PCDH9: variants seen among roughly 807,000 people sequenced by gnomAD.
PCDH9 encodes the protein protocadherin-9.
PCDH9 carries 24 observed loss-of-function variants against 70.6 expected under a neutral mutation model. The observed-to-expected ratio is 0.34, with a 90% CI of 0.25 to 0.48. The LOEUF (loss-of-function observed/expected upper bound fraction) is 0.48. Among genes scored for constraint, PCDH9 ranks in the 20% least tolerant of loss-of-function variants. PCDH9 has a pLI of 0.99. For synonymous variants in PCDH9, 562 were observed against 558.5 expected, an observed-to-expected ratio of 1.01 and a Z score of -0.09; for missense variants, 1,281 against 1,503.6, an observed-to-expected ratio of 0.85 and a Z score of 2.45.
intron 2 of PCDH9, among the ~76,000 whole-genome samples, chr13:67,010,853 T>C (rs1309247749): frequency 6.6e-6 from 1 of 152,016 alleles, no homozygotes; most frequent in Non-Finnish European, 1.5e-5. Flanking sequence ...TGTTGGATTA[T>C]TTGACTTCCA....
intron 3 of PCDH9, among the ~76,000 whole-genome samples, chr13:66,739,427 CA>C (rs1431517903): frequency 6.6e-6 from 1 of 150,980 alleles, no homozygotes; most frequent in African/African-American, 2.4e-5. Context: ...GAAGAAACTG[CA>C]TCAACTAACG....
chr13:67,058,584 C>T (rs1161532527), intron 2 of PCDH9, among the ~76,000 whole-genome samples: 1 of 152,144 alleles, frequency 6.6e-6, no homozygotes. Context: ...CAAAAGTATT[C>T]CTATAAATGA....
intron 4 of PCDH9, among the ~76,000 whole-genome samples, chr13:66,434,841 C>A (rs978535083): frequency 6.6e-6 from 1 of 151,946 alleles, no homozygotes; most frequent in Non-Finnish European, 1.5e-5. Flanking sequence ...AAGTCAAACT[C>A]TGAGTCTATG....
intron 3 of PCDH9, among the ~76,000 whole-genome samples, chr13:66,777,118 CA>C (rs1339775853): frequency 1.3e-5 from 2 of 151,182 alleles, no homozygotes; most frequent in African/African-American, 4.8e-5. Flanking sequence ...ACACCTTATA[CA>C]AAAATTAATT....
At chr13:66,541,004 G>A (rs9540799) in intron 4 of PCDH9, among the ~76,000 whole-genome samples, 85,027 of 151,914 alleles carry the variant, frequency 0.56, 24,011 homozygotes, top group East Asian at 0.67. Context: ...AATTCTCTTA[G>A]GAAAGCAGAC....
At position 67,225,885 on chromosome 13, in the gene PCDH9, T is replaced by C; in HGVS notation, c.2556A>G (p.Gln852=). The part of the protein sequence containing the change: ...SRFKAAQRSK[Q]GAEWMSPNQE... ...GGTTTGGGGACATCCATTCGGCACC[T>C]TGCTTGCTCCTCTGAGCTGCTTTGA... The change falls in exon 2 of 5, where the codon CAA becomes CAG. Residue 852 remains glutamine (Q), a synonymous_variant. Coordinates refer to ENST00000377865, the MANE Select transcript of PCDH9 (RefSeq NM_203487.3). 6.2e-7 allele frequency: 1 copy of C among 1,614,140 alleles called. No homozygotes were observed. The highest frequency in any genetic ancestry group is 8.5e-7 in the Non-Finnish European group (1 of 1,180,036).
At chr13:66,909,879 A>C (rs1388203545) in intron 2 of PCDH9, among the ~76,000 whole-genome samples, 2 of 152,178 alleles carry the variant, frequency 1.3e-5, no homozygotes, top group South Asian at 2.1e-4. Flanking sequence ...GGACCCTGAC[A>C]CATGTTCCTA....
At chr13:66,772,000 C>T (rs1442007) in intron 3 of PCDH9, among the ~76,000 whole-genome samples, 147,964 of 152,284 alleles carry the variant, frequency 0.97, 72,027 homozygotes, top group East Asian at 1. Flanking sequence ...TAGCAGACTA[C>T]CACAATTTAA....
At chr13:67,029,673 C>T (rs1413174710) in intron 2 of PCDH9, among the ~76,000 whole-genome samples, 2 of 152,152 alleles carry the variant, frequency 1.3e-5, no homozygotes, top group Non-Finnish European at 2.9e-5. Flanking sequence ...TGGAACTAAG[C>T]TTATTCATCA....
chr13:67,215,616 G>C (rs950942607), intron 2 of PCDH9: 1 of 151,976 alleles, frequency 6.6e-6, no homozygotes, highest in African/African-American at 2.4e-5. Context: ...ATGATATGAT[G>C]GGCAGACATA....
rs1199467854 is a variant in PCDH9 at position 67,217,938 on chromosome 13, A to G, written c.3036+7467T>C. The G allele has an allele frequency of 2.6e-5, 4 of 152,206 alleles. No individual in the cohort carries two copies. In the East Asian group the frequency reaches 5.8e-4, roughly 22 times the overall value. The allele number at this position is 152,206 out of a possible 1,614,324, so 9.4% of individuals were successfully genotyped here. Reference sequence around the variant, plus strand: ...CAAATCAGTCCATTGTAAGGCATGTATTTGAGATTTTTATTCTTTCAGTCA... The same window carrying G: ...CAAATCAGTCCATTGTAAGGCATGTGTTTGAGATTTTTATTCTTTCAGTCA... On this transcript the variant is annotated intron_variant, in intron 2 of 4. Coordinates refer to ENST00000377865, the MANE Select transcript of PCDH9 (RefSeq NM_203487.3).
chr13:66,573,737 T>G (rs963506199), intron 4 of PCDH9, among the ~76,000 whole-genome samples: 6 of 151,156 alleles, frequency 4.0e-5, no homozygotes, highest in African/African-American at 9.7e-5. Context: ...AGTTGGGTTT[T>G]TTTGTTTGTT....
At chr13:67,187,436 TTCC>T (rs1235060128) in intron 2 of PCDH9, among the ~76,000 whole-genome samples, 1 of 152,146 alleles carries the variant, frequency 6.6e-6, no homozygotes, top group Non-Finnish European at 1.5e-5. Context: ...GCTAGTGGGT[TTCC>T]TTAGAGACAG....
chr13:66,744,388 A>G (rs1380834779), intron 3 of PCDH9, among the ~76,000 whole-genome samples: 1 of 152,312 alleles, frequency 6.6e-6, no homozygotes, highest in Admixed American at 6.5e-5. Flanking sequence ...GACTTGAAGT[A>G]AAGGTTATCA....
In PCDH9 at chr13:67,225,570, G is replaced by A. The variant is rs769913650; in HGVS notation, c.2871C>T (p.Ser957=). ...AFHLKPDTPV[S]VKKHHVIQEL... Reference sequence around the variant, plus strand: ...CCTGAATCACGTGGTGCTTTTTCACGGAAACTGGAGTGTCTGGTTTGAGAT... The same window carrying A: ...CCTGAATCACGTGGTGCTTTTTCACAGAAACTGGAGTGTCTGGTTTGAGAT... Residue 957 remains serine, a synonymous_variant, in exon 2 of 5, where the codon TCC becomes TCT. Transcript: ENST00000377865. 10 of 1,614,114 alleles carry A rather than the reference G, an allele frequency of 6.2e-6. No individual in the cohort carries two copies. The highest frequency in any genetic ancestry group is 1.3e-5 in the African/African-American group (1 of 75,018).
intron 3 of PCDH9, among the ~76,000 whole-genome samples, chr13:66,867,825 C>CT (rs1037221070): frequency 3.3e-5 from 5 of 151,478 alleles, no homozygotes; most frequent in Non-Finnish European, 5.9e-5. Context: ...GAAAAAAATC[C>CT]TTTTTTTTAT....
intron 4 of PCDH9, among the ~76,000 whole-genome samples, chr13:66,335,123 A>G (rs1412236468): frequency 6.6e-6 from 1 of 152,098 alleles, no homozygotes; most frequent in Non-Finnish European, 1.5e-5. Context: ...AAAAGCATAC[A>G]CTACAGAAAT....
At chr13:67,154,850 C>G (rs376677855) in intron 2 of PCDH9, among the ~76,000 whole-genome samples, 23 of 151,366 alleles carry the variant, frequency 1.5e-4, no homozygotes, top group Non-Finnish European at 3.1e-4. Flanking sequence ...ACTACAGGTG[C>G]GTGTCACCAC....
intron 2 of PCDH9, among the ~76,000 whole-genome samples, chr13:67,094,936 A>G (rs1262705055): frequency 6.6e-6 from 1 of 152,128 alleles, no homozygotes; most frequent in Admixed American, 6.6e-5. Context: ...AAGAAACAAT[A>G]ATATTTTAAG....
Sources: gnomAD v4.1 joint callset for allele counts (sites outside exome capture counted in the v4.1 genomes callset) on GRCh38, gnomAD v4.1.1 for gene constraint, MANE v1.5 for transcripts, NCBI Gene and HGNC (gene_info 2026-07-23, HGNC 2026-07-21) for gene names.